The following TSNARE1 variants were observed in gnomAD, a reference collection of about 807,000 sequenced individuals.
TSNARE1 encodes the protein t-SNARE domain-containing protein 1.
Under a neutral mutation model 62.0 loss-of-function variants are expected in TSNARE1, and 49 were observed. That is an observed-to-expected ratio of 0.79 (90% CI 0.63 to 1.00). The LOEUF is 1.00. TSNARE1 is among the 50% of genes least tolerant of loss of function. TSNARE1 has a pLI of 0.00. For missense variants in TSNARE1, 755 were observed against 700.1 expected (o/e 1.08, Z -0.88); for synonymous variants, 328 against 294.4 (o/e 1.11, Z -1.17).
At chr8:142,277,292 C>G in intron 11 of TSNARE1, 6 of 985,350 alleles carry the variant, frequency 6.1e-6, no homozygotes, top group Non-Finnish European at 7.2e-6. Flanking sequence ...GAGAGAGCAG[C>G]CTTTGGGACC....
intron 4 of TSNARE1, among the ~76,000 whole-genome samples, 178 bp from the exon 5 acceptor site, chr8:142,332,009 C>T (rs1296317843): frequency 6.6e-6 from 1 of 152,202 alleles, no homozygotes; most frequent in Non-Finnish European, 1.5e-5. Flanking sequence ...TGGACACCCG[C>T]ACCTGCCTTC....
chr8:142,341,903 G>C (rs1832634198), intron 4 of TSNARE1, among the ~76,000 whole-genome samples: 1 of 152,208 alleles, frequency 6.6e-6, no homozygotes, highest in South Asian at 2.1e-4. Context: ...AGGGCAGGAG[G>C]ACTTCTTCAT....
At chr8:142,255,406 A>G (rs1258293342) in intron 12 of TSNARE1, among the ~76,000 whole-genome samples, 4 of 146,012 alleles carry the variant, frequency 2.7e-5, no homozygotes, top group African/African-American at 1.0e-4. Context: ...TACCATCACC[A>G]CCACCATCAC....
chr8:142,313,518 T>C (rs923302856), intron 9 of TSNARE1, among the ~76,000 whole-genome samples: 25 of 152,346 alleles, frequency 1.6e-4, no homozygotes, highest in South Asian at 8.3e-4. Flanking sequence ...TGTCTACATG[T>C]CTGTGTTTAT....
chr8:142,273,329 G>A, intron 12 of TSNARE1: 1 of 985,438 alleles, frequency 1.0e-6, no homozygotes, highest in Non-Finnish European at 1.2e-6. Flanking sequence ...AAGGCCTTCT[G>A]CGTGGTGTGG....
At chr8:142,235,163 C>T (rs763292538) in intron 12 of TSNARE1, among the ~76,000 whole-genome samples, 46 of 152,034 alleles carry the variant, frequency 3.0e-4, no homozygotes, top group Non-Finnish European at 5.3e-4. Context: ...TGCTGGTGCC[C>T]GTGGTCCAGA....
chr8:142,310,407 C>A (rs957087378), intron 9 of TSNARE1, among the ~76,000 whole-genome samples: 1 of 152,192 alleles, frequency 6.6e-6, no homozygotes, highest in African/African-American at 2.4e-5. Context: ...CACCGTTCCA[C>A]CGTCGACGTT....
chr8:142,343,453 C>T (rs1832869283), intron 4 of TSNARE1, among the ~76,000 whole-genome samples: 1 of 151,702 alleles, frequency 6.6e-6, no homozygotes, highest in Non-Finnish European at 1.5e-5. Context: ...TGTGTGTCTA[C>T]CCCAGGCAGC....
chr8:142,249,079 C>T (rs927482185), intron 12 of TSNARE1, among the ~76,000 whole-genome samples: 1 of 152,240 alleles, frequency 6.6e-6, no homozygotes, highest in African/African-American at 2.4e-5. Flanking sequence ...AGGCAGACAC[C>T]GGGCCCCCGC....
At chr8:142,348,677 C>T (rs530570169) in intron 2 of TSNARE1, among the ~76,000 whole-genome samples, 145 of 149,164 alleles carry the variant, frequency 9.7e-4, no homozygotes, top group Non-Finnish European at 1.8e-3. Context: ...CCCAGGCTGC[C>T]AAGGGCGTGT....
chr8:142,297,367 T>C lies in TSNARE1; in HGVS notation c.1290+3119A>G, dbSNP rs184047258. Among the ~76,000 whole-genome samples the C allele has an allele frequency of 3.7e-3, 558 of 152,302 alleles. 1 individual carries two copies. Among genetic ancestry groups the C allele is most frequent in the Non-Finnish European group, 6.5e-3 (443 of 68,024 alleles). ...GAATCGCGCAACACTGGCCCACTAC[T>C]GTGATACTGCTTCCCCTCCCTGGGC... On this transcript the variant is annotated intron_variant, in intron 10 of 13. Transcript: ENST00000524325.
intron 2 of TSNARE1, among the ~76,000 whole-genome samples, chr8:142,350,641 A>C (rs112402379): frequency 7.0e-4 from 106 of 152,366 alleles, no homozygotes; most frequent in African/African-American, 2.4e-3. Flanking sequence ...AGGTGAAAGC[A>C]CTGGAAAAGG....
rs117832836 is a variant in TSNARE1 at position 142,266,750 on chromosome 8, C to T, written c.1446+8031G>A. Among the ~76,000 whole-genome samples, 287 of 152,292 alleles carry T rather than the reference C, an allele frequency of 1.9e-3. 1 individual carries two copies. In the East Asian group the frequency reaches 0.024, roughly 13 times the overall value. On this transcript the variant is annotated intron_variant, in intron 12 of 13. Coordinates refer to ENST00000524325, the MANE Select transcript of TSNARE1 (RefSeq NM_145003.5). Reference sequence around the variant, plus strand: ...TCTGTGGAATCACACATCACATCAACGACCTCTTCACACACTGCTTTCCTC... The same window carrying T: ...TCTGTGGAATCACACATCACATCAATGACCTCTTCACACACTGCTTTCCTC...
intron 12 of TSNARE1, among the ~76,000 whole-genome samples, chr8:142,264,336 T>A (rs1379683060): frequency 6.6e-6 from 1 of 152,254 alleles, no homozygotes; most frequent in Non-Finnish European, 1.5e-5. Context: ...GTTTTGACTC[T>A]TGCTTTATGA....
Position 142,365,389 on chromosome 8 carries a change from C to T in TSNARE1, c.-39-10626G>A, listed in dbSNP as rs141873840. Among the ~76,000 whole-genome samples, 643 of 152,298 alleles carry T rather than the reference C, an allele frequency of 4.2e-3. 4 individuals are homozygous for T. Among genetic ancestry groups the T allele is most frequent in the African/African-American group, 0.015 (611 of 41,574 alleles). On this transcript the variant is annotated intron_variant, in intron 1 of 13. Transcript: ENST00000524325. The stretch of plus-strand genomic sequence containing the variant: ...TGGGATTTCATGTTACTAAAAAGGA[C>T]GTTTTGCTAAAAAGAACACAACTCA...
chr8:142,268,834 GA>G (rs1177616151), intron 12 of TSNARE1, among the ~76,000 whole-genome samples: 3 of 152,192 alleles, frequency 2.0e-5, no homozygotes, highest in Non-Finnish European at 1.5e-5. Context: ...GAAGGGAGCA[GA>G]AAGACACCTG....
intron 9 of TSNARE1, among the ~76,000 whole-genome samples, chr8:142,303,105 G>A (rs953443838): frequency 5.3e-5 from 8 of 152,170 alleles, no homozygotes; most frequent in African/African-American, 1.4e-4. Context: ...CTCCCCCAGC[G>A]CTCGGGGACT....
chr8:142,365,602 G>GCGCACACA (rs149020570), intron 1 of TSNARE1, among the ~76,000 whole-genome samples: 17,315 of 144,382 alleles, frequency 0.12, 1,190 homozygotes, highest in East Asian at 0.19. Flanking sequence ...ACATGCACAC[G>GCGCACACA]CACACACACA....
intron 10 of TSNARE1, among the ~76,000 whole-genome samples, chr8:142,297,200 G>A (rs1245535185): frequency 6.6e-6 from 1 of 151,222 alleles, no homozygotes; most frequent in East Asian, 1.9e-4. Flanking sequence ...ATGCTGGGAA[G>A]GAGGACAAAG....
Sources: allele counts gnomAD v4.1 joint callset (sites outside exome capture counted in the v4.1 genomes callset), GRCh38; gene constraint gnomAD v4.1.1; transcripts MANE v1.5; gene names NCBI Gene and HGNC (gene_info 2026-07-23, HGNC 2026-07-21).